The following HECTD4 variants were observed in gnomAD, a reference collection of about 807,000 sequenced individuals.
HECTD4 encodes probable E3 ubiquitin-protein ligase HECTD4.
In HECTD4, 114 loss-of-function variants were observed where a neutral mutation model predicts 471.5. The ratio of observed to expected loss-of-function variants is 0.24; its 90% CI spans 0.21 to 0.28. HECTD4 has a LOEUF of 0.28. HECTD4 is among the 10% of genes least tolerant of loss of function. HECTD4 has a pLI of 1.00. For synonymous variants in HECTD4, 2,012 were observed against 2,256.0 expected, an observed-to-expected ratio of 0.89 and a Z score of 3.07; for missense variants, 3,866 against 5,651.5, an observed-to-expected ratio of 0.68 and a Z score of 10.13.
At chr12:112,363,992 C>CAAAAAAAAAAAA (rs1175386198) in intron 1 of HECTD4, among the ~76,000 whole-genome samples, 1 of 52,886 alleles carries the variant, frequency 1.9e-5, no homozygotes, top group African/African-American at 7.4e-5. Context: ...ACTCAATCTC[C>CAAAAAAAAAAAA]AAAAAAAAAA....
rs114049567 is a variant in HECTD4 at position 112,190,761 on chromosome 12, C to T, written c.9472+25G>A. The T allele has an allele frequency of 1.4e-3, 2,132 of 1,544,556 alleles. 34 individuals are homozygous for T. In the African/African-American group the frequency reaches 0.026, roughly 19 times the overall value. ...CCAGCTCCACCCCCACCCTAGATTC[C>T]GATCCCCAGGGAAGGCAGCCTCACC... On this transcript the variant is annotated intron_variant, in intron 60 of 75. Coordinates refer to ENST00000682272, the MANE Select transcript of HECTD4 (RefSeq NM_001388303.1).
Position 112,188,176 on chromosome 12 carries a change from C to T in HECTD4, c.9472+2610G>A, listed in dbSNP as rs1242179521. On this transcript the variant is annotated intron_variant, in intron 60 of 75. Transcript: ENST00000682272. This position sits in a 1 kb window ranked among gnomAD's most constrained non-coding sequence, Gnocchi z 4.2. ...TGGTAGCGGGCGCCTGTATTCCCAACTACTCAGGAGGCTGGGGCAGGAGAA... is the reference window on the plus strand; with the variant it reads ...TGGTAGCGGGCGCCTGTATTCCCAATTACTCAGGAGGCTGGGGCAGGAGAA... 2.6e-5 allele frequency among the ~76,000 whole-genome samples: 4 copies of T among 152,102 alleles called. No individual in the cohort carries two copies. The highest frequency in any genetic ancestry group is 5.9e-5 in the Non-Finnish European group (4 of 68,020).
Position 112,163,806 on chromosome 12 carries a change from C to G in HECTD4, c.12702-69G>C. 2.3e-6 allele frequency: 3 copies of G among 1,321,664 alleles called. No individual in the cohort carries two copies. The highest frequency in any genetic ancestry group is 3.0e-6 in the Non-Finnish European group (3 of 1,005,570). 81.9% of individuals were successfully genotyped at this position (1,321,664 alleles called of 1,614,324 possible). A position where few individuals can be genotyped will look rare whatever the true frequency, so the allele number is the denominator to read the frequency against. ...AGGCTGGGTCTGGGGGCCACACCCA[C>G]TCAGCTGGAGGTCCCGGATCCTCTC... is the stretch of plus-strand genomic sequence containing the variant. On this transcript the variant is annotated intron_variant, in intron 73 of 75. Coordinates refer to ENST00000682272, the MANE Select transcript of HECTD4 (RefSeq NM_001388303.1). This position sits in a 1 kb window ranked among gnomAD's most constrained non-coding sequence, Gnocchi z 8.2.
In HECTD4 at chr12:112,162,950, T is replaced by C; in HGVS notation, c.13120+92A>G. 2 of 1,049,362 alleles carry C rather than the reference T, an allele frequency of 1.9e-6. No homozygotes were observed. Among genetic ancestry groups the C allele is most frequent in the Non-Finnish European group, 2.8e-6 (2 of 706,014 alleles). 65.0% of individuals were successfully genotyped at this position (1,049,362 alleles called of 1,614,324 possible). A position where few individuals can be genotyped will look rare whatever the true frequency, so the allele number is the denominator to read the frequency against. On this transcript the variant is annotated intron_variant, in intron 75 of 75. Coordinates refer to ENST00000682272, the MANE Select transcript of HECTD4 (RefSeq NM_001388303.1). This position sits in a 1 kb window ranked among gnomAD's most constrained non-coding sequence, Gnocchi z 5.2. ...TGGCACGTGGGGCTCCTGTTCATTG[T>C]TCTCCCTTCACATGGGGCCTGGCAG...
intron 1 of HECTD4, among the ~76,000 whole-genome samples, chr12:112,366,140 G>A (rs533145042): frequency 1.3e-5 from 2 of 152,040 alleles, no homozygotes; most frequent in South Asian, 2.1e-4. Context: ...AATTTTATTC[G>A]CATACTTTCA....
At chr12:112,335,262 A>G (rs1021656000) in intron 1 of HECTD4, among the ~76,000 whole-genome samples, 1 of 152,170 alleles carries the variant, frequency 6.6e-6, no homozygotes, top group African/African-American at 2.4e-5. Flanking sequence ...TATTACTCTA[A>G]GTGAAGTAAC....
At chr12:112,190,475 A>G (rs1272671723) in intron 60 of HECTD4, among the ~76,000 whole-genome samples, 2 of 151,966 alleles carry the variant, frequency 1.3e-5, no homozygotes, top group Admixed American at 6.6e-5. Context: ...ACCACCCTTC[A>G]CCCCTAAAGT....
intron 67 of HECTD4, chr12:112,171,470 G>T: frequency 1.4e-6 from 1 of 725,458 alleles, no homozygotes; most frequent in Non-Finnish European, 2.2e-6. Context: ...TGGCTGGCCA[G>T]ATGGAGGTGC....
chr12:112,201,603 G>A (rs918852272), intron 54 of HECTD4, among the ~76,000 whole-genome samples: 1 of 151,950 alleles, frequency 6.6e-6, no homozygotes, highest in Admixed American at 6.6e-5. Context: ...CTAGTTTCAT[G>A]CCATTGATTT....
intron 1 of HECTD4, among the ~76,000 whole-genome samples, chr12:112,330,339 C>T (rs1409655140): frequency 2.0e-5 from 3 of 151,200 alleles, no homozygotes; most frequent in Non-Finnish European, 4.4e-5. Context: ...TACTATTGTA[C>T]ATTTTATTAT....
chr12:112,211,066 T>A (rs1322044150), intron 49 of HECTD4, among the ~76,000 whole-genome samples: 1 of 151,840 alleles, frequency 6.6e-6, no homozygotes, highest in Non-Finnish European at 1.5e-5. Context: ...AAAGACGGAG[T>A]CTTGGCCGGA....
rs771739702 is a variant in HECTD4, at chr12:112,193,596, G to A, written c.8828C>T (p.Thr2943Met). Residue 2943 changes from threonine (T) to methionine (M), a missense_variant, in exon 57 of 76, where the codon ACG becomes ATG. By Grantham distance (81) the Thr-to-Met change is moderately conservative. This residue lies in a region of HECTD4 where 364 missense variants were observed against 413.2 expected (regional missense o/e 0.88). Transcript: ENST00000682272. This position sits in a 1 kb window ranked among gnomAD's most constrained non-coding sequence, Gnocchi z 5.2. ...GGAGTTGCCCTGGTAAAAGAGGTCC[G>A]TGGCGGAGCAGTTCTGGGAATGGAT... ...HCIHSQNCSA[T>M]DLFYQGNSQT... is the part of the protein sequence containing the mutation. 36 of 1,613,004 alleles carry A rather than the reference G, an allele frequency of 2.2e-5. No homozygotes were observed. The highest frequency in any genetic ancestry group is 5.3e-5 in the African/African-American group (4 of 74,940).
At chr12:112,199,575 A>G (rs1183301389) in intron 55 of HECTD4, among the ~76,000 whole-genome samples, 1 of 152,174 alleles carries the variant, frequency 6.6e-6, no homozygotes, top group Non-Finnish European at 1.5e-5. Flanking sequence ...TTATTATTAT[A>G]TTTTCCTCTG....
chr12:112,221,764 T>C (rs1593946127), intron 44 of HECTD4, among the ~76,000 whole-genome samples: 3 of 151,542 alleles, frequency 2.0e-5, no homozygotes, highest in Admixed American at 2.0e-4. Flanking sequence ...TTTTCTTTTT[T>C]TTTTTTTTGA....
chr12:112,260,032 T>C (rs956873780), intron 18 of HECTD4, among the ~76,000 whole-genome samples: 5 of 152,128 alleles, frequency 3.3e-5, no homozygotes, highest in African/African-American at 1.2e-4. Context: ...TATTAAATAA[T>C]GTTGTGCAAC....
Position 112,235,632 on chromosome 12 carries a change from C to T in HECTD4, c.5597G>A (p.Gly1866Glu), listed in dbSNP as rs368177576. 1.9e-6 allele frequency: 3 copies of T among 1,613,998 alleles called. No homozygotes were observed. The highest frequency in any genetic ancestry group is 2.2e-5 in the East Asian group (1 of 44,888). The change falls in exon 36 of 76, where the codon GGA becomes GAA. Residue 1866 changes from glycine (G) to glutamate (E), a missense_variant. Physicochemically the swap from Gly to Glu is moderately conservative, Grantham distance 98. Coordinates refer to ENST00000682272, the MANE Select transcript of HECTD4 (RefSeq NM_001388303.1). The surrounding 1 kb of genome is among the most constrained non-coding windows in gnomAD (Gnocchi z 5.0). ...GCTCCAGGGTGGGAGCTCCACGTTT[C>T]CACAGTCTTCTACGCTCATCAGGGG... Reference protein sequence around the residue: ...ALPLMSVEDCGNVELPPWSYS... With the variant: ...ALPLMSVEDCENVELPPWSYS...
rs568052361 is a variant in HECTD4 at position 112,208,412 on chromosome 12, A to G, written c.8004+82T>C. On this transcript the variant is annotated intron_variant, in intron 51 of 75. Coordinates refer to ENST00000682272, the MANE Select transcript of HECTD4 (RefSeq NM_001388303.1). Reference sequence around the variant, plus strand: ...ACCAGCTTTGCACTCTCACATCAAAATCACTCCTCCAGGCTTGTCCTAGTC... The same window carrying G: ...ACCAGCTTTGCACTCTCACATCAAAGTCACTCCTCCAGGCTTGTCCTAGTC... The G allele has an allele frequency of 1.1e-5, 15 of 1,366,184 alleles. No homozygotes were observed. In the African/African-American group the frequency reaches 2.0e-4, roughly 19 times the overall value. The allele number at this position is 1,366,184 out of a possible 1,614,324, so 84.6% of individuals were successfully genotyped here.
At chr12:112,376,680 A>T (rs2036787551) in intron 1 of HECTD4, among the ~76,000 whole-genome samples, 1 of 152,180 alleles carries the variant, frequency 6.6e-6, no homozygotes, top group Admixed American at 6.6e-5. Flanking sequence ...AAATATGCTG[A>T]GGACGCTTCC....
At chr12:112,240,109 C>T (rs2033604567) in intron 32 of HECTD4, 82 bp from the exon 33 acceptor site, 2 of 1,404,190 alleles carry the variant, frequency 1.4e-6, no homozygotes, top group Non-Finnish European at 2.0e-6. Flanking sequence ...TTGAGAAACT[C>T]TAGAGTATCT....
Sources: gnomAD v4.1 joint callset for allele counts (sites outside exome capture counted in the v4.1 genomes callset) on GRCh38, gnomAD v4.1.1 for gene constraint, gnomAD v4.1.1 regional missense constraint, Gnocchi (gnomAD v3.1) non-coding constraint, MANE v1.5 for transcripts, NCBI Gene and HGNC (gene_info 2026-07-23, HGNC 2026-07-21) for gene names.